The following BCL2L14 variants were observed in gnomAD, a reference collection of about 807,000 sequenced individuals.
BCL2L14 encodes BCL2 like 14, also known as apoptosis facilitator Bcl-2-like protein 14.
A neutral mutation model predicts 35.3 loss-of-function variants in BCL2L14; 27 were observed. That is an observed-to-expected ratio of 0.76 (90% CI 0.56 to 1.05). BCL2L14 has a LOEUF of 1.05. Ranked by LOEUF, BCL2L14 falls within the 50% of genes least tolerant of loss-of-function variation. The pLI is 0.00. For missense variants in BCL2L14, 377 were observed against 382.6 expected (o/e 0.99, Z 0.12); for synonymous variants, 139 against 145.9 (o/e 0.95, Z 0.34).
chr12:12,093,159 G>A (rs534924015), intron 4 of BCL2L14, among the ~76,000 whole-genome samples: 71 of 152,262 alleles, frequency 4.7e-4, no homozygotes, highest in East Asian at 5.8e-4. Flanking sequence ...AGGGAAGGCC[G>A]GGAGGTAAAA....
At chr12:12,057,011 G>A (rs1948442933) in intron 2 of BCL2L14, among the ~76,000 whole-genome samples, 1 of 152,020 alleles carries the variant, frequency 6.6e-6, no homozygotes, top group Non-Finnish European at 1.5e-5. Flanking sequence ...ACTCTCACAT[G>A]ATATAAAAGA....
intron 5 of BCL2L14, 190 bp downstream of exon 5, chr12:12,095,120 T>C (rs1321490217): frequency 7.1e-6 from 7 of 985,176 alleles, no homozygotes; most frequent in Non-Finnish European, 8.4e-6. Flanking sequence ...CATCAATAAA[T>C]ATTTACTGAG....
In BCL2L14 at chr12:12,079,662, G is replaced by T. The variant is rs746870026; in HGVS notation, c.357G>T (p.Thr119=). 6.2e-7 allele frequency: 1 copy of T among 1,614,188 alleles called. No individual in the cohort carries two copies. Among genetic ancestry groups the T allele is most frequent in the Non-Finnish European group, 8.5e-7 (1 of 1,180,038 alleles). ...AGGTCTCTGCTCAGGGTCAAAGGAC[G>T]TTGGAATACCAAGATTCGCACAGCC... ...PAKVSAQGQR[T]LEYQDSHSQQ... Residue 119 remains threonine, a synonymous_variant, in exon 2 of 6, where the codon ACG becomes ACT. Transcript: ENST00000308721.
chr12:12,050,848 A>G (rs977127735), intron 1 of BCL2L14, among the ~76,000 whole-genome samples: 3 of 151,656 alleles, frequency 2.0e-5, no homozygotes, highest in Non-Finnish European at 2.9e-5. Context: ...ATGGCCGTGC[A>G]TAAATCTCAT....
intron 2 of BCL2L14, among the ~76,000 whole-genome samples, chr12:12,084,264 T>A (rs1387335941): frequency 6.6e-6 from 1 of 152,072 alleles, no homozygotes; most frequent in Non-Finnish European, 1.5e-5. Context: ...CAGCCTTAGC[T>A]CCCTTTTCGA....
At position 12,099,109 on chromosome 12, in the gene BCL2L14, C is replaced by A; in HGVS notation, c.*121C>A. On this transcript the variant is annotated 3_prime_UTR_variant, in exon 6 of 6. Coordinates refer to ENST00000308721, the MANE Select transcript of BCL2L14 (RefSeq NM_138723.2). ...GATGGAGCATTGACGTTTTCAAAACCATTATTCCTGTGACTGGAGAGGCAT... is the reference window on the plus strand; with the variant it reads ...GATGGAGCATTGACGTTTTCAAAACAATTATTCCTGTGACTGGAGAGGCAT... 1 of 730,080 alleles carries A rather than the reference C, an allele frequency of 1.4e-6. No individual in the cohort carries two copies. The highest frequency in any genetic ancestry group is 2.4e-6 in the Non-Finnish European group (1 of 416,780). The allele number at this position is 730,080 out of a possible 1,614,324, so 45.2% of individuals were successfully genotyped here. A position where few individuals can be genotyped will look rare whatever the true frequency, so the allele number is the denominator to read the frequency against.
At chr12:12,052,340 C>G (rs1627801) in intron 2 of BCL2L14, among the ~76,000 whole-genome samples, 48,431 of 147,290 alleles carry the variant, frequency 0.33, 8,081 homozygotes, top group African/African-American at 0.43. Flanking sequence ...GCTTATTCCT[C>G]TTGTCTAACT....
At chr12:12,093,300 C>A (rs2136778828) in intron 4 of BCL2L14, among the ~76,000 whole-genome samples, 1 of 152,244 alleles carries the variant, frequency 6.6e-6, no homozygotes, top group East Asian at 1.9e-4. Context: ...ATTTCCAAAG[C>A]ACCTCTTCTA....
At chr12:12,087,909 T>A (rs938083864) in intron 3 of BCL2L14, among the ~76,000 whole-genome samples, 1 of 152,006 alleles carries the variant, frequency 6.6e-6, no homozygotes, top group Non-Finnish European at 1.5e-5. Context: ...AGACTGTAGA[T>A]CCCATCAGGC....
At position 12,094,724 on chromosome 12, in the gene BCL2L14, A is replaced by C. The variant is rs963494254; in HGVS notation, c.739A>C (p.Lys247Gln). The change falls in exon 5 of 6, where the codon AAG (lysine) becomes CAG (glutamine). Residue 247 changes from lysine to glutamine, a missense_variant. Coordinates refer to ENST00000308721, the MANE Select transcript of BCL2L14 (RefSeq NM_138723.2). ...GGATGGGCTGTCCTACTCTGTTTTC[A>C]AGACCATCACAGACCAGGTCCTAAT... The part of the protein sequence containing the change: ...FQDGLSYSVF[K>Q]TITDQVLMGV... The C allele has an allele frequency of 6.2e-7, 1 of 1,614,220 alleles. No homozygotes were observed.
At chr12:12,085,859 T>G (rs1949032176) in intron 2 of BCL2L14, among the ~76,000 whole-genome samples, 2 of 152,136 alleles carry the variant, frequency 1.3e-5, no homozygotes, top group South Asian at 4.1e-4. Context: ...AGCCCAGAAG[T>G]GCCCTAGGAG....
intron 4 of BCL2L14, among the ~76,000 whole-genome samples, chr12:12,093,723 G>T (rs1000833460): frequency 2.7e-5 from 4 of 150,854 alleles, no homozygotes; most frequent in Non-Finnish European, 5.9e-5. Flanking sequence ...AACCTGGGAG[G>T]CGGAGGTTGC....
intron 2 of BCL2L14, among the ~76,000 whole-genome samples, chr12:12,086,794 C>T (rs1029731902): frequency 3.9e-5 from 6 of 152,162 alleles, no homozygotes; most frequent in Admixed American, 6.5e-5. Flanking sequence ...GTCAAATTAT[C>T]GAATGTCCTC....
chr12:12,074,504 T>C (rs903517884), intron 1 of BCL2L14, among the ~76,000 whole-genome samples: 1 of 152,222 alleles, frequency 6.6e-6, no homozygotes, highest in African/African-American at 2.4e-5. Context: ...AGTGGCACCA[T>C]CTCAGCTCAC....
Position 12,094,805 on chromosome 12 carries a change from C to T in BCL2L14, c.820C>T (p.Leu274Phe). The change falls in exon 5 of 6, where the codon CTT becomes TTT. Residue 274 changes from leucine (L) to phenylalanine (F), a missense_variant. By Grantham distance (22) the Leu-to-Phe change is conservative. Coordinates refer to ENST00000308721, the MANE Select transcript of BCL2L14 (RefSeq NM_138723.2). ...CAAAGCTCAGGGCTTTAAGGCTGCC[C>T]TTGTAATAGACGTCACGGCCAAGCT... ...EVKAQGFKAALVIDVTAKLTA... is the reference protein window; with the variant it reads ...EVKAQGFKAAFVIDVTAKLTA... The T allele has an allele frequency of 6.2e-7, 1 of 1,614,200 alleles. No homozygotes were observed. The highest frequency in any genetic ancestry group is 8.5e-7 in the Non-Finnish European group (1 of 1,180,030).
intron 4 of BCL2L14, among the ~76,000 whole-genome samples, chr12:12,092,566 C>G (rs556386660): frequency 2.6e-5 from 4 of 152,186 alleles, no homozygotes; most frequent in African/African-American, 9.7e-5. Context: ...CAGGTGCACC[C>G]GAGAGGGACA....
chr12:12,052,819 G>A (rs752659810), intron 2 of BCL2L14, among the ~76,000 whole-genome samples: 4 of 152,144 alleles, frequency 2.6e-5, no homozygotes, highest in Non-Finnish European at 4.4e-5. Flanking sequence ...AGCCCTGAAC[G>A]AGATAATTTC....
Position 12,063,179 on chromosome 12 carries a change from C to T in BCL2L14, c.-272+11332C>T, listed in dbSNP as rs570773907. 1.9e-4 allele frequency among the ~76,000 whole-genome samples: 29 copies of T among 149,434 alleles called. No homozygotes were observed. The East Asian group carries it at 5.3e-3, about 27-fold the overall frequency. Reference sequence around the variant, plus strand: ...ACCATTCTCAACTAATCATACATGCCCTGCTCTTGTTTACACTGCCAGTTT... The same window carrying T: ...ACCATTCTCAACTAATCATACATGCTCTGCTCTTGTTTACACTGCCAGTTT... On this transcript the variant is annotated intron_variant, in intron 2 of 3. Coordinates refer to the BCL2L14 transcript ENST00000461264.
intron 5 of BCL2L14, chr12:12,095,601 C>T: frequency 5.1e-6 from 5 of 985,356 alleles, no homozygotes; most frequent in Non-Finnish European, 6.0e-6. Flanking sequence ...TACTACCCCA[C>T]AACTTTAACT....
Sources: allele counts gnomAD v4.1 joint callset (sites outside exome capture counted in the v4.1 genomes callset), GRCh38; gene constraint gnomAD v4.1.1; transcripts MANE v1.5; gene names NCBI Gene and HGNC (gene_info 2026-07-23, HGNC 2026-07-21).